SRBD1: variants seen among roughly 807,000 people sequenced by gnomAD.
SRBD1 encodes S1 RNA-binding domain-containing protein 1.
Under a neutral mutation model 115.3 loss-of-function variants are expected in SRBD1, and 88 were observed. That is an observed-to-expected ratio of 0.76 (90% CI 0.64 to 0.91). The LOEUF (loss-of-function observed/expected upper bound fraction) is 0.91. Among genes scored for constraint, SRBD1 ranks in the 40% least tolerant of loss-of-function variants. The pLI is 0.00. For missense variants in SRBD1, 1,385 were observed against 1,177.4 expected (o/e 1.18, Z -2.58); for synonymous variants, 509 against 407.7 (o/e 1.25, Z -2.99).
chr2:45,461,556 T>C lies in SRBD1; in HGVS notation c.2049+15437A>G, dbSNP rs565845710. 2.0e-5 allele frequency among the ~76,000 whole-genome samples: 3 copies of C among 152,306 alleles called. No homozygotes were observed. The South Asian group carries it at 6.2e-4, about 32-fold the overall frequency. On this transcript the variant is annotated intron_variant, in intron 16 of 20. Coordinates refer to ENST00000263736, the MANE Select transcript of SRBD1 (RefSeq NM_018079.5). ...AACTCGTTAGACAGACAAGTCCCTC[T>C]GTCAATCCCACTCTACAGTGCATAT...
chr2:45,408,137 C>A (rs1260526871), intron 19 of SRBD1, among the ~76,000 whole-genome samples: 3 of 152,108 alleles, frequency 2.0e-5, no homozygotes, highest in African/African-American at 7.2e-5. Context: ...AACAAAAATT[C>A]TTTTAATAGA....
chr2:45,574,523 G>T (rs1673117020), intron 8 of SRBD1, 104 bp downstream of exon 8: 3 of 1,038,990 alleles, frequency 2.9e-6, no homozygotes, highest in Non-Finnish European at 4.2e-6. Flanking sequence ...TTAAAAAAAA[G>T]TCTGAAAACA....
rs575401228 is a variant in SRBD1, at chr2:45,526,151, C to T, written c.1874+20581G>A. 7.9e-5 allele frequency among the ~76,000 whole-genome samples: 12 copies of T among 151,976 alleles called. No individual in the cohort carries two copies. In the East Asian group the frequency reaches 1.2e-3, roughly 15 times the overall value. On this transcript the variant is annotated intron_variant, in intron 14 of 20. Coordinates refer to ENST00000263736, the MANE Select transcript of SRBD1 (RefSeq NM_018079.5). ...ATATGTCCACACCAAAACTTGTACA[C>T]GAATGTTTACAGCAGCATTATTCAT...
chr2:45,501,289 AT>A (rs1376435860), intron 14 of SRBD1, among the ~76,000 whole-genome samples: 1 of 152,194 alleles, frequency 6.6e-6, no homozygotes, highest in Non-Finnish European at 1.5e-5. Flanking sequence ...AATTTAAAAT[AT>A]TTTTTAGACA....
intron 16 of SRBD1, among the ~76,000 whole-genome samples, chr2:45,475,513 T>C (rs1669778916): frequency 6.6e-6 from 1 of 152,208 alleles, no homozygotes; most frequent in African/African-American, 2.4e-5. Context: ...AATCCCAATC[T>C]GGAGGTTAGG....
intron 14 of SRBD1, among the ~76,000 whole-genome samples, chr2:45,492,155 A>G (rs1010647980): frequency 2.0e-5 from 3 of 152,276 alleles, no homozygotes; most frequent in Middle Eastern, 3.4e-3. Context: ...GTAAAATTCA[A>G]TGGTGTTACT....
chr2:45,411,333 T>A (rs1303056625), intron 19 of SRBD1, among the ~76,000 whole-genome samples: 1 of 152,162 alleles, frequency 6.6e-6, no homozygotes, highest in Non-Finnish European at 1.5e-5. Context: ...ATCTCTTAAA[T>A]TTCATTAACA....
intron 18 of SRBD1, among the ~76,000 whole-genome samples, chr2:45,415,813 G>GGAGAGGAGAGGA (rs1667815533): frequency 8.3e-6 from 1 of 120,030 alleles, no homozygotes; most frequent in East Asian, 2.4e-4. Context: ...GGAGAGGAGA[G>GGAGAGGAGAGGA]GAGAGGAGTC....
At chr2:45,497,542 A>G (rs1332364146) in intron 14 of SRBD1, among the ~76,000 whole-genome samples, 1 of 152,162 alleles carries the variant, frequency 6.6e-6, no homozygotes, top group Non-Finnish European at 1.5e-5. Context: ...TTTCTACTTC[A>G]CTGTGGCTGA....
chr2:45,491,416 A>G (rs1476347787), intron 14 of SRBD1, among the ~76,000 whole-genome samples: 1 of 152,178 alleles, frequency 6.6e-6, no homozygotes, highest in African/African-American at 2.4e-5. Context: ...GAAGCAGATG[A>G]CTGAGCAGAA....
intron 9 of SRBD1, among the ~76,000 whole-genome samples, chr2:45,571,069 G>C (rs1253288589): frequency 1.3e-5 from 2 of 152,108 alleles, no homozygotes; most frequent in Non-Finnish European, 2.9e-5. Context: ...TGAGGGCTAG[G>C]TGTATGCTCT....
At chr2:45,427,732 C>T (rs531938854) in intron 16 of SRBD1, among the ~76,000 whole-genome samples, 8 of 152,228 alleles carry the variant, frequency 5.3e-5, no homozygotes, top group African/African-American at 1.9e-4. Flanking sequence ...ACTGGCAAAC[C>T]GATTCCAGCA....
intron 9 of SRBD1, among the ~76,000 whole-genome samples, chr2:45,565,405 A>G (rs1254480369): frequency 1.3e-5 from 2 of 152,238 alleles, no homozygotes; most frequent in East Asian, 1.9e-4. Flanking sequence ...TAAATCATGA[A>G]TAACTAGAAC....
At chr2:45,573,465 GC>G in intron 8 of SRBD1, 123 bp from the exon 9 acceptor site, 1 of 1,125,074 alleles carries the variant, frequency 8.9e-7, no homozygotes, top group Non-Finnish European at 1.2e-6. Context: ...TTTTAATGAT[GC>G]CCAGCTATGA....
At chr2:45,453,921 A>G (rs1389804728) in intron 16 of SRBD1, among the ~76,000 whole-genome samples, 1 of 151,968 alleles carries the variant, frequency 6.6e-6, no homozygotes, top group Non-Finnish European at 1.5e-5. Flanking sequence ...CAATTCGTCC[A>G]CTGCAATTAA....
At position 45,503,600 on chromosome 2, in the gene SRBD1, T is replaced by C. The variant is rs375788581; in HGVS notation, c.1875-15269A>G. On this transcript the variant is annotated intron_variant, in intron 14 of 20. Transcript: ENST00000263736. Reference sequence around the variant, plus strand: ...ACATACCAATTCATCCCTTTCTTAGTTGAAAATCTATTGTACTTCAAATTA... The same window carrying C: ...ACATACCAATTCATCCCTTTCTTAGCTGAAAATCTATTGTACTTCAAATTA... 8.5e-5 allele frequency among the ~76,000 whole-genome samples: 13 copies of C among 152,300 alleles called. No individual in the cohort carries two copies. In the South Asian group the frequency reaches 2.7e-3, roughly 32 times the overall value.
chr2:45,519,819 C>T (rs542761110), intron 14 of SRBD1, among the ~76,000 whole-genome samples: 1 of 152,212 alleles, frequency 6.6e-6, no homozygotes, highest in South Asian at 2.1e-4. Context: ...TCTAAGTACT[C>T]GCATATGTTA....
At chr2:45,465,000 TACACAC>T (rs58288876) in intron 16 of SRBD1, among the ~76,000 whole-genome samples, 2,451 of 120,274 alleles carry the variant, frequency 0.02, 35 homozygotes, top group East Asian at 0.07. Flanking sequence ...GTTGAGATTG[TACACAC>T]ACACACACAC....
intron 16 of SRBD1, among the ~76,000 whole-genome samples, chr2:45,473,730 G>A (rs1205611167): frequency 6.6e-6 from 1 of 152,088 alleles, no homozygotes; most frequent in Admixed American, 6.5e-5. Flanking sequence ...AATACTTTTA[G>A]TCAGTTCCTC....
Sources: allele counts gnomAD v4.1 joint callset (sites outside exome capture counted in the v4.1 genomes callset), GRCh38; gene constraint gnomAD v4.1.1; transcripts MANE v1.5; gene names NCBI Gene and HGNC (gene_info 2026-07-23, HGNC 2026-07-21).